The following COL6A3 variants were observed in gnomAD, a reference collection of about 807,000 sequenced individuals.
COL6A3 encodes collagen alpha-3(VI) chain.
A neutral mutation model predicts 274.1 loss-of-function variants in COL6A3; 137 were observed. That is an observed-to-expected ratio of 0.50 (90% CI 0.44 to 0.58). COL6A3 has a LOEUF of 0.58. COL6A3 is among the 20% of genes least tolerant of loss of function. The pLI, the probability that COL6A3 is intolerant of heterozygous loss-of-function variation, is 0.00. For missense variants in COL6A3, 3,950 were observed against 4,124.9 expected, an observed-to-expected ratio of 0.96 and a Z score of 1.16; for synonymous variants, 1,650 against 1,650.6, an observed-to-expected ratio of 1.00 and a Z score of 0.01.
chr2:237,348,303 C>T, intron 30 of COL6A3, 46 bp downstream of exon 30: 1 of 1,523,690 alleles, frequency 6.6e-7, no homozygotes, highest in Non-Finnish European at 9.1e-7. Flanking sequence ...CATACCAGAG[C>T]CATCCCAAAA....
Position 237,367,266 on chromosome 2 carries a change from C to G in COL6A3, c.4921G>C (p.Val1641Leu), listed in dbSNP as rs1445364711. ...SRPEKKKADI[V>L]FLLDGSINFR... is the part of the protein sequence containing the mutation. ...TTGATGGAACCATCCAACAGGAACA[C>G]AATGTCTGCTTTCTTCTTCTCTAGA... Residue 1641 changes from valine to leucine, a missense_variant, in exon 11 of 44, where the codon GTG becomes CTG. Val to Leu is a conservative substitution (Grantham distance 32, BLOSUM62 1). Around this residue, in one of 5 missense-constraint regions of COL6A3, gnomAD observed 632 missense variants for 623.4 expected, o/e 1.01. Coordinates refer to ENST00000295550, the MANE Select transcript of COL6A3 (RefSeq NM_004369.4). 6.2e-7 allele frequency: 1 copy of G among 1,613,580 alleles called. No individual in the cohort carries two copies. The highest frequency in any genetic ancestry group is 8.5e-7 in the Non-Finnish European group (1 of 1,179,734).
Position 237,376,896 on chromosome 2 carries a change from C to T in COL6A3, c.2946G>A (p.Glu982=). 6.2e-7 allele frequency: 1 copy of T among 1,614,240 alleles called. No individual in the cohort carries two copies. The part of the protein sequence containing the change: ...IFQAKNADPA[E]LEQIVLSPAF... ...CTGGAGACAGCACGATCTGCTCTAA[C>T]TCAGCAGGGTCTGCGTTCTTGGCTT... The change falls in exon 7 of 44, where the codon GAG becomes GAA. Residue 982 remains glutamate (E), a synonymous_variant. Coordinates refer to ENST00000295550, the MANE Select transcript of COL6A3 (RefSeq NM_004369.4).
rs758774990 is a variant in COL6A3, at chr2:237,334,814, G to A, written c.9041C>T (p.Pro3014Leu). The A allele has an allele frequency of 6.2e-6, 10 of 1,614,142 alleles. No homozygotes were observed. The Admixed American group carries it at 6.7e-5, about 11-fold the overall frequency. ...GAGGTCATAAAAATAAGGACCGGGG[G>A]GCTCAGCCCTCTCCCAGTGGAGTTT... ...SAKLHWERAE[P>L]PGPYFYDLTV... is the part of the protein sequence containing the mutation. Residue 3014 changes from proline to leucine, a missense_variant, in exon 41 of 44, where the codon CCC (proline) becomes CTC (leucine). Coordinates refer to ENST00000295550, the MANE Select transcript of COL6A3 (RefSeq NM_004369.4).
chr2:237,400,404 C>T (rs567004603), intron 1 of COL6A3, among the ~76,000 whole-genome samples: 5 of 151,900 alleles, frequency 3.3e-5, no homozygotes, highest in East Asian at 1.9e-4. Flanking sequence ...AAATCAGGCA[C>T]GTGAAATTGT....
In COL6A3 at chr2:237,383,990, G is replaced by A. The variant is rs117807312; in HGVS notation, c.1313-2491C>T. Among the ~76,000 whole-genome samples, 147 of 152,234 alleles carry A rather than the reference G, an allele frequency of 9.7e-4. 1 individual carries two copies. In the East Asian group the frequency reaches 0.023, roughly 24 times the overall value. On this transcript the variant is annotated intron_variant, in intron 4 of 43. Coordinates refer to ENST00000295550, the MANE Select transcript of COL6A3 (RefSeq NM_004369.4). ...TTTGATTAGGTAAGAGGTCATTTAC[G>A]TTTGATTTTTATTCAAGTCATGGGA...
intron 9 of COL6A3, 142 bp from the exon 10 acceptor site, chr2:237,369,319 T>G: frequency 8.5e-7 from 1 of 1,183,290 alleles, no homozygotes; most frequent in Non-Finnish European, 1.2e-6. Flanking sequence ...TCGGGCTTTT[T>G]GAAATTAGCC....
chr2:237,385,663 TGCAAGCTCAGAGAA>T, intron 4 of COL6A3, among the ~76,000 whole-genome samples: 1 of 152,328 alleles, frequency 6.6e-6, no homozygotes, highest in Non-Finnish European at 1.5e-5. Flanking sequence ...ACCAATAGTA[TGCAAGCTCAGAGAA>T]ACCTCAGCAG....
At chr2:237,410,864 G>C (rs1040924983) in intron 1 of COL6A3, among the ~76,000 whole-genome samples, 2 of 152,180 alleles carry the variant, frequency 1.3e-5, no homozygotes, top group African/African-American at 4.8e-5. Flanking sequence ...AGTGGAAACA[G>C]AGAAGCTGTA....
intron 9 of COL6A3, among the ~76,000 whole-genome samples, chr2:237,370,553 A>G (rs915953311): frequency 6.6e-6 from 1 of 152,192 alleles, no homozygotes; most frequent in Non-Finnish European, 1.5e-5. Flanking sequence ...ATTTTTAACA[A>G]TAAAATTAAT....
At chr2:237,400,133 G>A (rs1396077727) in intron 1 of COL6A3, among the ~76,000 whole-genome samples, 1 of 152,194 alleles carries the variant, frequency 6.6e-6, no homozygotes, top group Non-Finnish European at 1.5e-5. Flanking sequence ...GGGAGATTGA[G>A]TTTTCATCAT....
chr2:237,382,071 A>G (rs562036628), intron 4 of COL6A3, among the ~76,000 whole-genome samples: 1 of 152,340 alleles, frequency 6.6e-6, no homozygotes, highest in East Asian at 1.9e-4. Context: ...AAGTGCCGCA[A>G]ACATTTTTCA....
intron 42 of COL6A3, among the ~76,000 whole-genome samples, chr2:237,331,906 T>C (rs1700246731): frequency 6.7e-6 from 1 of 150,216 alleles, no homozygotes; most frequent in African/African-American, 2.4e-5. Flanking sequence ...TTCATCTGTA[T>C]CAACTACTTG....
chr2:237,390,134 G>T (rs1264851414), intron 3 of COL6A3, among the ~76,000 whole-genome samples: 1 of 152,248 alleles, frequency 6.6e-6, no homozygotes, highest in African/African-American at 2.4e-5. Context: ...ACGTTTAAAA[G>T]AAGGATTAAA....
rs532254606 is a variant in COL6A3 at position 237,373,795 on chromosome 2, G to A, written c.3679+617C>T. On this transcript the variant is annotated intron_variant, in intron 8 of 43. Transcript: ENST00000295550. Reference sequence around the variant, plus strand: ...TTTCCTCCTTCCTTCTCAGCACCAGGGCTCCCACCATTTTTTAGTTTATTG... The same window carrying A: ...TTTCCTCCTTCCTTCTCAGCACCAGAGCTCCCACCATTTTTTAGTTTATTG... Among the ~76,000 whole-genome samples, 4 of 152,168 alleles carry A rather than the reference G, an allele frequency of 2.6e-5. No individual in the cohort carries two copies. The East Asian group carries it at 5.8e-4, about 22-fold the overall frequency.
Position 237,381,050 on chromosome 2 carries a change from C to G in COL6A3, c.1762G>C (p.Asp588His). Residue 588 changes from aspartate to histidine, a missense_variant, in exon 5 of 44, where the codon GAT (aspartate) becomes CAT (histidine). Asp to His is a moderately conservative substitution (Grantham distance 81, BLOSUM62 -1). Transcript: ENST00000295550. ...MAFAIGNKGA[D>H]QAELEEIAFD... ...GCGATCTCTTCCAGCTCAGCCTGAT[C>G]GGCACCCTTGTTCCCAATGGCAAAG... The G allele has an allele frequency of 1.9e-6, 3 of 1,614,196 alleles. No individual in the cohort carries two copies. Among genetic ancestry groups the G allele is most frequent in the East Asian group, 2.2e-5 (1 of 44,874 alleles).
intron 1 of COL6A3, among the ~76,000 whole-genome samples, chr2:237,397,052 T>C (rs865853827): frequency 2.0e-5 from 3 of 149,280 alleles, no homozygotes; most frequent in African/African-American, 7.5e-5. Flanking sequence ...GATAGATAGA[T>C]AGATAAAAAT....
At chr2:237,392,415 C>T (rs1010520457) in intron 3 of COL6A3, among the ~76,000 whole-genome samples, 21 of 152,196 alleles carry the variant, frequency 1.4e-4, no homozygotes, top group Admixed American at 5.9e-4. Context: ...GCTGTCCCTC[C>T]GATGTGGTCC....
rs989956555 is a variant in COL6A3, at chr2:237,368,086, G to A, written c.4900+477C>T. 1.3e-5 allele frequency among the ~76,000 whole-genome samples: 2 copies of A among 152,226 alleles called. No individual in the cohort carries two copies. Among genetic ancestry groups the A allele is most frequent in the Admixed American group, 1.3e-4 (2 of 15,286 alleles). On this transcript the variant is annotated intron_variant, in intron 10 of 43. Transcript: ENST00000295550. The surrounding 1 kb of genome is among the most constrained non-coding windows in gnomAD (Gnocchi z 4.4). ...TGGAGAGATCCACTTTGCTTTTGCA[G>A]CCCCAAAGACGAGAACCAGGAGCAC... is the stretch of plus-strand genomic sequence containing the variant.
At position 237,340,561 on chromosome 2, in the gene COL6A3, G is replaced by A; in HGVS notation, c.8355C>T (p.Thr2785=). Residue 2785 remains threonine, a synonymous_variant, in exon 38 of 44, where the codon ACC becomes ACT. Coordinates refer to ENST00000295550, the MANE Select transcript of COL6A3 (RefSeq NM_004369.4). Reference sequence around the variant, plus strand: ...AGACGTCGTTTGGCTCACTGGCGAAGGTGTATACCTCCTTGATGTTCACCT... The same window carrying A: ...AGACGTCGTTTGGCTCACTGGCGAAAGTGTATACCTCCTTGATGTTCACCT... ...GRKVNIKEVY[T]FASEPNDVFF... The A allele has an allele frequency of 6.2e-7, 1 of 1,614,216 alleles. No homozygotes were observed. Among genetic ancestry groups the A allele is most frequent in the Non-Finnish European group, 8.5e-7 (1 of 1,180,038 alleles).
Sources: gnomAD v4.1 joint callset for allele counts (sites outside exome capture counted in the v4.1 genomes callset) on GRCh38, gnomAD v4.1.1 for gene constraint, gnomAD v4.1.1 regional missense constraint, Gnocchi (gnomAD v3.1) non-coding constraint, MANE v1.5 for transcripts, NCBI Gene and HGNC (gene_info 2026-07-23, HGNC 2026-07-21) for gene names.